The following NDUFA8 variants were observed in gnomAD, a reference collection of about 807,000 sequenced individuals.
The protein encoded by NDUFA8 is NADH dehydrogenase [ubiquinone] 1 alpha subcomplex subunit 8.
A neutral mutation model predicts 20.9 loss-of-function variants in NDUFA8; 16 were observed. The observed-to-expected ratio is 0.77, with a 90% confidence interval of 0.52 to 1.16. NDUFA8 has a LOEUF of 1.16. Among genes scored for constraint, NDUFA8 ranks in the 50% most tolerant of loss-of-function variants. NDUFA8 has a pLI of 0.00. For synonymous variants in NDUFA8, 70 were observed against 76.1 expected, an observed-to-expected ratio of 0.92 and a Z score of 0.41; for missense variants, 202 against 216.4, an observed-to-expected ratio of 0.93 and a Z score of 0.42.
At chr9:122,134,517 C>T in the NDUFA8 span, among the ~76,000 whole-genome samples, 1 of 152,294 alleles carries the variant, frequency 6.6e-6, no homozygotes, top group South Asian at 2.1e-4. Flanking sequence ...ACCTAATAAG[C>T]GTCAGTAATT....
At chr9:122,152,101 T>G (rs1829008332) in intron 2 of NDUFA8, 144 bp downstream of exon 2, 2 of 918,934 alleles carry the variant, frequency 2.2e-6, no homozygotes, top group East Asian at 2.6e-5. Context: ...CAAAAATAAT[T>G]ATCATCCTTT....
At position 122,152,346 on chromosome 9, in the gene NDUFA8, C is replaced by A; in HGVS notation, c.114G>T (p.Lys38Asn). The A allele has an allele frequency of 6.2e-7, 1 of 1,614,112 alleles. No individual in the cohort carries two copies. The highest frequency in any genetic ancestry group is 8.5e-7 in the Non-Finnish European group (1 of 1,180,034). ...GGCAGAGCATAAACTCCTTGTTGGG[C>A]TTATCACATTGAGCTCCATAGTGAT... ...AAHHYGAQCD[K>N]PNKEFMLCRW... The change falls in exon 2 of 4, where the codon AAG (lysine) becomes AAT (asparagine). Residue 38 changes from lysine (K) to asparagine (N), a missense_variant. By Grantham distance (94) the Lys-to-Asn change is moderately conservative. Coordinates refer to ENST00000373768, the MANE Select transcript of NDUFA8 (RefSeq NM_014222.3).
chr9:122,150,956 A>G (rs1828986100), intron 2 of NDUFA8, among the ~76,000 whole-genome samples: 1 of 120,720 alleles, frequency 8.3e-6, no homozygotes, highest in African/African-American at 3.0e-5. Context: ...TGGGCAACAG[A>G]GTGAGACTCC....
intron 3 of NDUFA8, 112 bp from the exon 4 acceptor site, chr9:122,144,490 C>T (rs1476675094): frequency 2.0e-6 from 2 of 1,012,892 alleles, no homozygotes; most frequent in Non-Finnish European, 3.1e-6. Context: ...ACAACTGCTC[C>T]CCGACTTAAA....
Position 122,144,339 on chromosome 9 carries a change from G to C in NDUFA8, c.421C>G (p.Pro141Ala). 6.2e-7 allele frequency: 1 copy of C among 1,614,168 alleles called. No individual in the cohort carries two copies. The highest frequency in any genetic ancestry group is 8.5e-7 in the Non-Finnish European group (1 of 1,180,022). ...VKTDRPLPEN[P>A]YHSRPRPDPS... is the part of the protein sequence containing the mutation. The stretch of plus-strand genomic sequence containing the variant: ...TCCGGTCTTGGTCTTGAGTGATAGG[G>C]ATTCTCCGGTAAAGGTCGATCTGTT... The change falls in exon 4 of 4, where the codon CCC becomes GCC. Residue 141 changes from proline to alanine, a missense_variant. Transcript: ENST00000373768.
chr9:122,143,085 C>G (rs1295328168), downstream of NDUFA8, among the ~76,000 whole-genome samples: 1 of 152,166 alleles, frequency 6.6e-6, no homozygotes, highest in Non-Finnish European at 1.5e-5. Flanking sequence ...TCACACAGTG[C>G]TTTTTCTTTG....
chr9:122,143,770 C>T (rs575231169), downstream of NDUFA8, among the ~76,000 whole-genome samples: 3 of 152,342 alleles, frequency 2.0e-5, no homozygotes, highest in South Asian at 4.1e-4. Flanking sequence ...TGGAGGCTCC[C>T]CTTGTATGAC....
intron 1 of NDUFA8, among the ~76,000 whole-genome samples, chr9:122,157,926 G>A (rs1264764050): frequency 6.6e-6 from 1 of 152,192 alleles, no homozygotes; most frequent in Non-Finnish European, 1.5e-5. Context: ...GGCCGAGGCA[G>A]GCAGATTACG....
chr9:122,157,682 T>G (rs1356386396), intron 1 of NDUFA8, among the ~76,000 whole-genome samples: 2 of 114,742 alleles, frequency 1.7e-5, no homozygotes, highest in Non-Finnish European at 3.3e-5. Flanking sequence ...GGGGGGTGGT[T>G]CGCCGGGGGG....
intron 1 of NDUFA8, among the ~76,000 whole-genome samples, chr9:122,156,272 A>G (rs1829074625): frequency 6.6e-6 from 1 of 152,226 alleles, no homozygotes; most frequent in Admixed American, 6.5e-5. Context: ...CTCATTGCAC[A>G]GCAGGGCTAC....
At chr9:122,150,410 C>CAAAA (rs60728190) in intron 2 of NDUFA8, among the ~76,000 whole-genome samples, 5 of 19,650 alleles carry the variant, frequency 2.5e-4, no homozygotes, top group Non-Finnish European at 4.2e-4. Context: ...CACCCCATCA[C>CAAAA]AAAAAAAAAA....
chr9:122,143,888 G>A (rs1201403130), downstream of NDUFA8, among the ~76,000 whole-genome samples: 2 of 152,214 alleles, frequency 1.3e-5, no homozygotes, highest in Non-Finnish European at 2.9e-5. Context: ...AAGTAACAAA[G>A]CCTTTCCTTC....
downstream of NDUFA8, among the ~76,000 whole-genome samples, chr9:122,143,663 G>A (rs533959984): frequency 4.6e-5 from 7 of 152,300 alleles, no homozygotes; most frequent in Admixed American, 2.0e-4. Context: ...GTGGAAGTTC[G>A]GTTCTTCAAG....
downstream of NDUFA8, among the ~76,000 whole-genome samples, chr9:122,140,368 A>T (rs1430149412): frequency 6.6e-6 from 1 of 152,214 alleles, no homozygotes; most frequent in Non-Finnish European, 1.5e-5. Flanking sequence ...GTATGTCATG[A>T]TCCATTTCAG....
At chr9:122,132,503 C>A in the NDUFA8 span, among the ~76,000 whole-genome samples, 1 of 152,098 alleles carries the variant, frequency 6.6e-6, no homozygotes, top group Non-Finnish European at 1.5e-5. Flanking sequence ...TCATCTCAGG[C>A]TGGAGCTGGG....
chr9:122,155,438 TGAC>T lies in NDUFA8; in HGVS notation c.52-3033_52-3031del, dbSNP rs555972406. ...GTTATTAATAAAAGGCAAGGAAAGA[TGAC>T]AAGAGTAATTAATCTATACACTATA... On this transcript the variant is annotated intron_variant, in intron 1 of 3. Transcript: ENST00000373768. Among the ~76,000 whole-genome samples, 4 of 152,228 alleles carry T rather than the reference TGAC, an allele frequency of 2.6e-5. No individual in the cohort carries two copies. In the South Asian group the frequency reaches 6.2e-4, roughly 24 times the overall value.
At chr9:122,152,505 G>A in intron 1 of NDUFA8, 97 bp from the exon 2 acceptor site, 4 of 1,141,738 alleles carry the variant, frequency 3.5e-6, no homozygotes, top group Non-Finnish European at 5.2e-6. Context: ...GAACACAAAA[G>A]TAGCACTGTT....
chr9:122,133,282 C>T, the NDUFA8 span, among the ~76,000 whole-genome samples: 6 of 152,176 alleles, frequency 3.9e-5, no homozygotes, highest in Admixed American at 3.9e-4. Context: ...CCTGGAACTC[C>T]TCTCTCTCCT....
Position 122,144,364 on chromosome 9 carries a change from T to C in NDUFA8, c.396A>G (p.Lys132=). The change falls in exon 4 of 4, where the codon AAA becomes AAG. Residue 132 remains lysine (K), a synonymous_variant. Coordinates refer to ENST00000373768, the MANE Select transcript of NDUFA8 (RefSeq NM_014222.3). The stretch of plus-strand genomic sequence containing the variant: ...GATTCTCCGGTAAAGGTCGATCTGT[T>C]TTCACTTTGGTGACCTGGGAAGGGT... ...LGELSKVTKV[K]TDRPLPENPY... The C allele has an allele frequency of 6.2e-7, 1 of 1,614,158 alleles. No individual in the cohort carries two copies. The highest frequency in any genetic ancestry group is 2.2e-5 in the East Asian group (1 of 44,880).
Sources: allele counts gnomAD v4.1 joint callset (sites outside exome capture counted in the v4.1 genomes callset), GRCh38; gene constraint gnomAD v4.1.1; transcripts MANE v1.5; gene names NCBI Gene and HGNC (gene_info 2026-07-23, HGNC 2026-07-21).